The following SARAF variants were observed in gnomAD, a reference collection of about 807,000 sequenced individuals.
The protein encoded by SARAF is store-operated calcium entry-associated regulatory factor.
In SARAF, 23 loss-of-function variants were observed where a neutral mutation model predicts 39.7. The ratio of observed to expected loss-of-function variants is 0.58; its 90% CI spans 0.42 to 0.82. SARAF has a LOEUF of 0.82. Among genes scored for constraint, SARAF ranks in the 40% least tolerant of loss-of-function variants. The pLI is 0.00. For synonymous variants in SARAF, 175 were observed against 168.5 expected, an observed-to-expected ratio of 1.04 and a Z score of -0.30; for missense variants, 384 against 418.5, an observed-to-expected ratio of 0.92 and a Z score of 0.72.
rs1477054095 is a variant in SARAF, at chr8:30,063,846, T to A, written c.*42A>T. 1 of 1,597,282 alleles carries A rather than the reference T, an allele frequency of 6.3e-7. No homozygotes were observed. Among genetic ancestry groups the A allele is most frequent in the East Asian group, 2.2e-5 (1 of 44,736 alleles). ...TTTCTAAAGAGAAAGTGATGAAAAA[T>A]CCAAAATTTCTGCATCCAGTGTTTG... On this transcript the variant is annotated 3_prime_UTR_variant, in exon 6 of 6. Coordinates refer to ENST00000256255, the MANE Select transcript of SARAF (RefSeq NM_016127.6).
At chr8:30,073,698 A>C in intron 2 of SARAF, 179 bp downstream of exon 2, 1 of 508,254 alleles carries the variant, frequency 2.0e-6, no homozygotes, top group East Asian at 3.2e-5. Context: ...AGGCTTTAAA[A>C]TCAGTTCATT....
intron 1 of SARAF, among the ~76,000 whole-genome samples, chr8:30,081,181 G>T (rs934506872): frequency 3.3e-5 from 5 of 152,182 alleles, no homozygotes; most frequent in Admixed American, 2.0e-4. Flanking sequence ...AGTAAACTTT[G>T]AAGTAGAATT....
At chr8:30,072,221 CTTAT>C (rs1439067088) in intron 2 of SARAF, among the ~76,000 whole-genome samples, 1 of 152,150 alleles carries the variant, frequency 6.6e-6, no homozygotes, top group East Asian at 1.9e-4. Flanking sequence ...TTTTCATGTG[CTTAT>C]TTATTACTTA....
chr8:30,077,069 A>C (rs1289778067), intron 1 of SARAF, among the ~76,000 whole-genome samples: 1 of 152,216 alleles, frequency 6.6e-6, no homozygotes, highest in Non-Finnish European at 1.5e-5. Context: ...ATAAGAGAAA[A>C]AGACTGCGTT....
intron 1 of SARAF, among the ~76,000 whole-genome samples, chr8:30,077,476 G>A (rs190840994): frequency 5.4e-4 from 82 of 151,796 alleles, no homozygotes; most frequent in South Asian, 1.5e-3. Context: ...ACATACATAC[G>A]ACAGAACTGT....
chr8:30,065,591 C>T, intron 5 of SARAF: 1 of 196,658 alleles, frequency 5.1e-6, no homozygotes. Flanking sequence ...CTGAGCATTC[C>T]AATAAACATT....
At chr8:30,066,700 A>G in intron 4 of SARAF, 77 bp downstream of exon 4, 2 of 1,569,700 alleles carry the variant, frequency 1.3e-6, no homozygotes, top group Non-Finnish European at 1.7e-6. Flanking sequence ...TCCTTAGCAA[A>G]ACTAAATGCA....
chr8:30,070,164 C>T (rs186405450), intron 2 of SARAF, 105 bp from the exon 3 acceptor site: 2 of 1,018,928 alleles, frequency 2.0e-6, no homozygotes, highest in East Asian at 4.8e-5. Flanking sequence ...AATCTCAGCA[C>T]TTTCGGAGGC....
chr8:30,082,217 A>T (rs1157876721), intron 1 of SARAF: 2 of 152,430 alleles, frequency 1.3e-5, no homozygotes, highest in Non-Finnish European at 2.9e-5. Context: ...GGGCACCCGT[A>T]ATCTCAGCTA....
At position 30,082,879 on chromosome 8, in the gene SARAF, G is replaced by C. The variant is rs755976979; in HGVS notation, c.71C>G (p.Thr24Ser). ...LLLGLHLFLL[T>S]AGPALGWNDP... ...GTTCCAGCCCAGGGCAGGGCCCGCGGTCAGCAGAAACAAATGCAAGCCGAG... is the reference window on the plus strand; with the variant it reads ...GTTCCAGCCCAGGGCAGGGCCCGCGCTCAGCAGAAACAAATGCAAGCCGAG... The change falls in exon 1 of 6, where the codon ACC (threonine) becomes AGC (serine). Residue 24 changes from threonine (T) to serine (S), a missense_variant. By Grantham distance (58) the Thr-to-Ser change is moderately conservative (BLOSUM62 1). Transcript: ENST00000256255. The C allele has an allele frequency of 1.9e-5, 29 of 1,559,058 alleles. No homozygotes were observed. The South Asian group carries it at 3.2e-4, about 17-fold the overall frequency.
At chr8:30,071,116 G>C (rs975674022) in intron 2 of SARAF, among the ~76,000 whole-genome samples, 24 of 152,132 alleles carry the variant, frequency 1.6e-4, no homozygotes, top group Middle Eastern at 3.2e-3. Context: ...CAAGGTGGGC[G>C]GATCACCTGA....
chr8:30,077,548 A>G (rs1191902726), intron 1 of SARAF, among the ~76,000 whole-genome samples: 1 of 152,220 alleles, frequency 6.6e-6, no homozygotes, highest in Non-Finnish European at 1.5e-5. Flanking sequence ...TCATGCCTGT[A>G]ATCCTAGCAC....
Position 30,069,868 on chromosome 8 carries a change from G to GA in SARAF, c.473dup (p.Ser159LeufsTer2), listed in dbSNP as rs747891673. On this transcript the variant is annotated frameshift_variant, in exon 3 of 6. Coordinates refer to ENST00000256255, the MANE Select transcript of SARAF (RefSeq NM_016127.6). LOFTEE classifies it high-confidence loss of function. ...AGGACCACTTATAATAATAATCAGA[G>GA]AAAGAGGCAAAGCCGTGCTGCTTTC... is the stretch of plus-strand genomic sequence containing the variant. 19 of 1,614,160 alleles carry GA rather than the reference G, an allele frequency of 1.2e-5. No homozygotes were observed. The highest frequency in any genetic ancestry group is 1.6e-5 in the Non-Finnish European group (19 of 1,180,028).
chr8:30,066,629 G>C, intron 4 of SARAF, 148 bp downstream of exon 4: 2 of 937,124 alleles, frequency 2.1e-6, no homozygotes, highest in Admixed American at 2.6e-5. Context: ...AACAAATATA[G>C]TGTACCTTCC....
At position 30,074,021 on chromosome 8, in the gene SARAF, G is replaced by A; in HGVS notation, c.138C>T (p.Thr46=). 2 of 1,613,798 alleles carry A rather than the reference G, an allele frequency of 1.2e-6. No homozygotes were observed. The highest frequency in any genetic ancestry group is 2.2e-5 in the South Asian group (2 of 91,054). The change falls in exon 2 of 6, where the codon ACC becomes ACT. Residue 46 remains threonine (T), a synonymous_variant. Coordinates refer to ENST00000256255, the MANE Select transcript of SARAF (RefSeq NM_016127.6). ...RMLLRDVKAL[T]LHYDRYTTSR... is the part of the protein sequence containing the mutation. Reference sequence around the variant, plus strand: ...AGGTGGTATAGCGGTCATAGTGGAGGGTAAGAGCTTTTACATCCCGCAGCA... The same window carrying A: ...AGGTGGTATAGCGGTCATAGTGGAGAGTAAGAGCTTTTACATCCCGCAGCA...
In SARAF at chr8:30,073,972, G is replaced by C. The variant is rs1456983541; in HGVS notation, c.187C>G (p.Gln63Glu). 36 of 1,614,186 alleles carry C rather than the reference G, an allele frequency of 2.2e-5. No individual in the cohort carries two copies. The highest frequency in any genetic ancestry group is 2.8e-5 in the Non-Finnish European group (33 of 1,180,026). The part of the protein sequence containing the change: ...TTSRRLDPIP[Q>E]LKCVGGTAGC... ...GCTGTGCCTCCAACACATTTCAACTGTGGGATGGGATCCAGCCTGCGGGAG... is the reference window on the plus strand; with the variant it reads ...GCTGTGCCTCCAACACATTTCAACTCTGGGATGGGATCCAGCCTGCGGGAG... Residue 63 changes from glutamine to glutamate, a missense_variant, in exon 2 of 6, where the codon CAG (glutamine) becomes GAG (glutamate). By Grantham distance (29) the Gln-to-Glu change is conservative (BLOSUM62 2). Transcript: ENST00000256255.
rs752064293 is a variant in SARAF, at chr8:30,066,003, T to C, written c.979A>G (p.Thr327Ala). Residue 327 changes from threonine to alanine, a missense_variant, in exon 5 of 6, where the codon ACC becomes GCC. Coordinates refer to ENST00000256255, the MANE Select transcript of SARAF (RefSeq NM_016127.6). ...YSVCSNSDTK[T>A]RTASGYGGTR... ...TTGCTCTTACCTGATGCAGTTCTGGTTTTCGTGTCTGAGTTTGAACATACC... is the reference window on the plus strand; with the variant it reads ...TTGCTCTTACCTGATGCAGTTCTGGCTTTCGTGTCTGAGTTTGAACATACC... 1 of 1,614,154 alleles carries C rather than the reference T, an allele frequency of 6.2e-7. No homozygotes were observed. The highest frequency in any genetic ancestry group is 8.5e-7 in the Non-Finnish European group (1 of 1,180,022).
intron 1 of SARAF, among the ~76,000 whole-genome samples, chr8:30,077,320 T>C (rs1801991437): frequency 6.6e-6 from 1 of 151,940 alleles, no homozygotes. Context: ...TAGCCAGGTA[T>C]GGTGGCACAC....
upstream of SARAF, chr8:30,083,072 T>C: frequency 1.5e-6 from 1 of 659,648 alleles, no homozygotes; most frequent in Admixed American, 3.7e-5. Context: ...ACGGCCCGAC[T>C]GCAGAGCTGC....
Sources: gnomAD v4.1 joint callset for allele counts (sites outside exome capture counted in the v4.1 genomes callset) on GRCh38, gnomAD v4.1.1 for gene constraint, MANE v1.5 for transcripts, NCBI Gene and HGNC (gene_info 2026-07-23, HGNC 2026-07-21) for gene names.